CUBN: variants seen among roughly 807,000 people sequenced by gnomAD.
The protein encoded by CUBN is cubilin.
CUBN carries 282 observed loss-of-function variants against 405.3 expected under a neutral mutation model. The observed-to-expected ratio is 0.70, with a 90% confidence interval of 0.63 to 0.77. CUBN has a LOEUF of 0.77. Ranked by LOEUF, CUBN falls within the 30% of genes least tolerant of loss-of-function variation. The pLI is 0.00. For missense variants in CUBN, 4,514 were observed against 4,475.2 expected, an observed-to-expected ratio of 1.01 and a Z score of -0.25; for synonymous variants, 1,684 against 1,617.0, an observed-to-expected ratio of 1.04 and a Z score of -0.99.
At chr10:16,981,614 G>T (rs763701363) in intron 31 of CUBN, among the ~76,000 whole-genome samples, 1 of 152,184 alleles carries the variant, frequency 6.6e-6, no homozygotes, top group Non-Finnish European at 1.5e-5. Context: ...AAAGAGCATT[G>T]TAACAAGCTT....
At chr10:17,058,720 G>A (rs1835445373) in intron 22 of CUBN, among the ~76,000 whole-genome samples, 1 of 151,830 alleles carries the variant, frequency 6.6e-6, no homozygotes, top group Non-Finnish European at 1.5e-5. Flanking sequence ...AATATAAATG[G>A]CTCCTTCTAG....
chr10:17,080,682 G>T (rs1405160596), intron 17 of CUBN, among the ~76,000 whole-genome samples: 3 of 152,038 alleles, frequency 2.0e-5, no homozygotes, highest in Admixed American at 2.0e-4. Context: ...CCTTAACATC[G>T]TATAGCCTTC....
rs372673718 is a variant in CUBN at position 16,874,366 on chromosome 10, T to C, written c.9236+8A>G. The C allele has an allele frequency of 4.9e-4, 786 of 1,614,140 alleles. 1 individual carries two copies. Among genetic ancestry groups the C allele is most frequent in the Non-Finnish European group, 4.4e-4 (516 of 1,179,984 alleles). ...ATTTTCTTAAGAAAGCCAATTTGTC[T>C]TACGTACTTGAGCTCGATCACCTTG... On this transcript the variant is annotated splice_region_variant and intron_variant, in intron 58 of 66. Transcript: ENST00000377833.
At chr10:17,022,916 T>C (rs1275967207) in intron 27 of CUBN, among the ~76,000 whole-genome samples, 4 of 152,178 alleles carry the variant, frequency 2.6e-5, no homozygotes, top group African/African-American at 7.2e-5. Flanking sequence ...CAACAAAACA[T>C]AGGTAAGATT....
intron 59 of CUBN, among the ~76,000 whole-genome samples, chr10:16,868,378 C>G (rs1363264014): frequency 6.6e-6 from 1 of 152,168 alleles, no homozygotes; most frequent in Non-Finnish European, 1.5e-5. Flanking sequence ...TTTATCCACA[C>G]TATGGAAGAA....
chr10:17,045,724 A>G (rs1588608404), intron 24 of CUBN, among the ~76,000 whole-genome samples: 1 of 152,240 alleles, frequency 6.6e-6, no homozygotes, highest in East Asian at 1.9e-4. Flanking sequence ...TCTAACCAGG[A>G]TTCTTATTTA....
chr10:16,906,293 GA>G lies in CUBN; in HGVS notation c.7821del (p.Gln2608ArgfsTer15), dbSNP rs1841553437. ...TGAATGGAAATGGATGAATTTCCCT[GA>G]TTTGGATTGCTGAGAGTCCATTCGC... ...LNCEWTLSNP[N>X]QGNSSISIHF... On this transcript the variant is annotated frameshift_variant, in exon 50 of 67. Transcript: ENST00000377833. LOFTEE classifies it high-confidence loss of function. The G allele has an allele frequency of 6.2e-7, 1 of 1,613,466 alleles. No individual in the cohort carries two copies. The highest frequency in any genetic ancestry group is 1.7e-5 in the Admixed American group (1 of 60,010).
chr10:16,911,249 C>T (rs1246565430), intron 48 of CUBN, among the ~76,000 whole-genome samples: 1 of 152,118 alleles, frequency 6.6e-6, no homozygotes, highest in African/African-American at 2.4e-5. Context: ...GCAAATGTTG[C>T]CATACTACAC....
Position 16,913,991 on chromosome 10 carries a change from C to G in CUBN, c.7353G>C (p.Glu2451Asp). The change falls in exon 48 of 67, where the codon GAG becomes GAC. Residue 2451 changes from glutamate to aspartate, a missense_variant and splice_region_variant. Coordinates refer to ENST00000377833, the MANE Select transcript of CUBN (RefSeq NM_001081.4). ...TAGAGCCCTGAAGATCCCCACCACACTCTGACGTGGGGAAAAAGCCAAGAA... is the reference window on the plus strand; with the variant it reads ...TAGAGCCCTGAAGATCCCCACCACAGTCTGACGTGGGGAAAAAGCCAAGAA... ...FRLRFESSME[E>D]CGGDLQGSIG... is the part of the protein sequence containing the mutation. 1 of 1,613,940 alleles carries G rather than the reference C, an allele frequency of 6.2e-7. No homozygotes were observed.
At chr10:17,081,805 G>A (rs953350820) in intron 17 of CUBN, among the ~76,000 whole-genome samples, 4 of 152,134 alleles carry the variant, frequency 2.6e-5, no homozygotes, top group East Asian at 1.9e-4. Context: ...TGACCTTTGT[G>A]AGCCTCAATT....
intron 31 of CUBN, among the ~76,000 whole-genome samples, chr10:16,958,617 C>T (rs907047417): frequency 1.3e-5 from 2 of 152,222 alleles, no homozygotes; most frequent in African/African-American, 4.8e-5. Flanking sequence ...TTACAAGCTC[C>T]ATCACAAACA....
Position 16,899,089 on chromosome 10 carries a change from G to A in CUBN, c.8505C>T (p.Ala2835=). 2 of 1,613,170 alleles carry A rather than the reference G, an allele frequency of 1.2e-6. No individual in the cohort carries two copies. Among genetic ancestry groups the A allele is most frequent in the South Asian group, 1.1e-5 (1 of 91,056 alleles). The change falls in exon 54 of 67, where the codon GCC becomes GCT. Residue 2835 remains alanine (A), a synonymous_variant. Coordinates refer to ENST00000377833, the MANE Select transcript of CUBN (RefSeq NM_001081.4). The stretch of plus-strand genomic sequence containing the variant: ...CCAAGTGTTTACTTTTGTGAGTAAT[G>A]GCCGTCCAGGAACATCTGCTGTTTT... ...FPENSRCSWT[A]ITHKSKHLEI...
intron 27 of CUBN, among the ~76,000 whole-genome samples, chr10:17,038,328 A>G (rs1177260999): frequency 2.0e-5 from 3 of 152,244 alleles, no homozygotes; most frequent in Non-Finnish European, 4.4e-5. Flanking sequence ...ATACAGCCAG[A>G]ACTCTTCAGG....
In CUBN at chr10:17,129,778, T is replaced by A; in HGVS notation, c.-13A>T. 6.2e-7 allele frequency: 1 copy of A among 1,613,862 alleles called. No individual in the cohort carries two copies. The highest frequency in any genetic ancestry group is 8.5e-7 in the Non-Finnish European group (1 of 1,179,858). On this transcript the variant is annotated 5_prime_UTR_variant, in exon 1 of 67. Transcript: ENST00000377833. ...ACATGTTCATCATCAACCTCCCAGG[T>A]TGGCAGGTAAGAGTGAGGCCACTCC... is the stretch of plus-strand genomic sequence containing the variant.
At chr10:17,059,828 C>G (rs1040124969) in intron 22 of CUBN, among the ~76,000 whole-genome samples, 1 of 152,164 alleles carries the variant, frequency 6.6e-6, no homozygotes, top group Non-Finnish European at 1.5e-5. Context: ...AGCAAAGTAG[C>G]TATTGTAAAA....
chr10:17,119,289 G>T (rs1007818204), intron 6 of CUBN, among the ~76,000 whole-genome samples: 164 of 152,322 alleles, frequency 1.1e-3, no homozygotes, highest in African/African-American at 3.8e-3. Context: ...AAGCCTTCTA[G>T]ATCTGAGCCC....
At chr10:17,024,468 T>C (rs1404245756) in intron 27 of CUBN, among the ~76,000 whole-genome samples, 1 of 152,168 alleles carries the variant, frequency 6.6e-6, no homozygotes, top group East Asian at 1.9e-4. Flanking sequence ...ATCTTATATA[T>C]ATGAGCTTGG....
At chr10:16,891,892 G>C (rs1025908436) in intron 54 of CUBN, among the ~76,000 whole-genome samples, 1 of 151,930 alleles carries the variant, frequency 6.6e-6, no homozygotes, top group East Asian at 1.9e-4. Context: ...TACACAATCT[G>C]CAATACCCAA....
chr10:17,051,058 A>T lies in CUBN; in HGVS notation c.3140-3455T>A, dbSNP rs551598024. 5.3e-5 allele frequency among the ~76,000 whole-genome samples: 8 copies of T among 150,658 alleles called. No individual in the cohort carries two copies. In the South Asian group the frequency reaches 6.3e-4, roughly 12 times the overall value. ...AAAACCCAAAACTATTACAAATATTAAAAAAAAAGAGAGAAAATATGGGCC... is the reference window on the plus strand; with the variant it reads ...AAAACCCAAAACTATTACAAATATTTAAAAAAAAGAGAGAAAATATGGGCC... On this transcript the variant is annotated intron_variant, in intron 22 of 66. Transcript: ENST00000377833.
Sources: gnomAD v4.1 joint callset for allele counts (sites outside exome capture counted in the v4.1 genomes callset) on GRCh38, gnomAD v4.1.1 for gene constraint, MANE v1.5 for transcripts, NCBI Gene and HGNC (gene_info 2026-07-23, HGNC 2026-07-21) for gene names.